Variants in UBE2H observed in about 807,000 individuals in gnomAD.
The protein encoded by UBE2H is ubiquitin-conjugating enzyme E2 H.
Under a neutral mutation model 29.0 loss-of-function variants are expected in UBE2H, and 3 were observed. The ratio of observed to expected loss-of-function variants is 0.10; its 90% CI spans 0.05 to 0.27. UBE2H has a LOEUF of 0.27. Among genes scored for constraint, UBE2H ranks in the 10% least tolerant of loss-of-function variants. The pLI is 1.00. For missense variants in UBE2H, 68 were observed against 228.2 expected, an observed-to-expected ratio of 0.30 and a Z score of 4.52; for synonymous variants, 69 against 82.9, an observed-to-expected ratio of 0.83 and a Z score of 0.91.
intron 1 of UBE2H, among the ~76,000 whole-genome samples, chr7:129,947,611 G>A (rs1321824103): frequency 6.6e-6 from 1 of 152,128 alleles, no homozygotes; most frequent in Non-Finnish European, 1.5e-5. Context: ...CAGGTGTACA[G>A]ATCCCCATAT....
At chr7:129,859,873 C>T (rs552863216) in intron 3 of UBE2H, among the ~76,000 whole-genome samples, 5 of 152,274 alleles carry the variant, frequency 3.3e-5, no homozygotes, top group African/African-American at 1.2e-4. Context: ...CCATCACCCC[C>T]ATCCCCACAG....
chr7:129,853,169 C>T lies in UBE2H; in HGVS notation c.298+4342G>A, dbSNP rs550814362. Among the ~76,000 whole-genome samples, 3 of 152,264 alleles carry T rather than the reference C, an allele frequency of 2.0e-5. No homozygotes were observed. The South Asian group carries it at 6.2e-4, about 32-fold the overall frequency. On this transcript the variant is annotated intron_variant, in intron 5 of 6. Transcript: ENST00000355621. The stretch of plus-strand genomic sequence containing the variant: ...TGAGAGAGAGATTAAAGCTGTATCG[C>T]AGTGAAGGCACCTGGGCCCCCAGGA...
At chr7:129,848,193 A>G (rs565812600) in intron 5 of UBE2H, among the ~76,000 whole-genome samples, 20 of 152,346 alleles carry the variant, frequency 1.3e-4, no homozygotes, top group African/African-American at 4.3e-4. Context: ...GCTGCACTCC[A>G]GCCTGGACGA....
rs577840388 is a variant in UBE2H, at chr7:129,848,265, T to C, written c.299-8930A>G. On this transcript the variant is annotated intron_variant, in intron 5 of 6. Transcript: ENST00000355621. ...AAAAAACACATCACTATGTACCCCA[T>C]GAATATGTACAATGATTATTTGCCA... Among the ~76,000 whole-genome samples, 5 of 152,262 alleles carry C rather than the reference T, an allele frequency of 3.3e-5. No individual in the cohort carries two copies. In the East Asian group the frequency reaches 9.6e-4, roughly 29 times the overall value.
intron 3 of UBE2H, among the ~76,000 whole-genome samples, chr7:129,873,508 C>T (rs1806085734): frequency 6.7e-6 from 1 of 149,698 alleles, no homozygotes; most frequent in Non-Finnish European, 1.5e-5. Flanking sequence ...TATCTCAGCA[C>T]ACTGCAACCT....
intron 3 of UBE2H, among the ~76,000 whole-genome samples, chr7:129,877,139 T>A (rs1806162113): frequency 6.6e-6 from 1 of 152,110 alleles, no homozygotes; most frequent in Admixed American, 6.6e-5. Flanking sequence ...AAAATACACA[T>A]CCATACACAA....
intron 1 of UBE2H, among the ~76,000 whole-genome samples, chr7:129,944,715 AACAC>A (rs57825154): frequency 0.021 from 2,962 of 144,028 alleles, 41 homozygotes; most frequent in African/African-American, 0.045. Context: ...ATGCGCTCAA[AACAC>A]ACACACACAC....
intron 1 of UBE2H, among the ~76,000 whole-genome samples, chr7:129,884,863 G>A (rs543285896): frequency 5.3e-5 from 8 of 152,044 alleles, no homozygotes; most frequent in African/African-American, 9.7e-5. Context: ...GATTATAGGC[G>A]TGAGCCACCA....
intron 1 of UBE2H, among the ~76,000 whole-genome samples, chr7:129,940,670 T>C (rs918510218): frequency 2.6e-5 from 4 of 152,212 alleles, no homozygotes; most frequent in Non-Finnish European, 5.9e-5. Flanking sequence ...GGCTGCCATG[T>C]AGGGCTTCCC....
chr7:129,934,953 GTGTGTATATATA>G (rs1334800819), intron 1 of UBE2H, among the ~76,000 whole-genome samples: 4 of 150,550 alleles, frequency 2.7e-5, no homozygotes, highest in South Asian at 4.2e-4. Flanking sequence ...ATATGTGTGT[GTGTGTATATATA>G]TGTGTATATA....
chr7:129,886,584 C>G (rs571593682), intron 1 of UBE2H, among the ~76,000 whole-genome samples: 2 of 152,058 alleles, frequency 1.3e-5, no homozygotes, highest in East Asian at 3.9e-4. Context: ...AGTGCCCTCC[C>G]TGAGCTGTGT....
chr7:129,884,427 A>G (rs1029229325), intron 1 of UBE2H, among the ~76,000 whole-genome samples: 2 of 151,946 alleles, frequency 1.3e-5, no homozygotes, highest in African/African-American at 4.8e-5. Context: ...AAAAAAAAAA[A>G]AAAAAAATTT....
intron 1 of UBE2H, among the ~76,000 whole-genome samples, chr7:129,908,266 T>C (rs911554971): frequency 1.3e-5 from 2 of 152,232 alleles, no homozygotes; most frequent in African/African-American, 2.4e-5. Context: ...AATTAAAGCA[T>C]GCCCATGAAT....
chr7:129,925,052 TAA>T (rs1807238065), intron 1 of UBE2H, among the ~76,000 whole-genome samples: 1 of 151,872 alleles, frequency 6.6e-6, no homozygotes, highest in Non-Finnish European at 1.5e-5. Context: ...CCGAAAGACA[TAA>T]GATATTCACA....
intron 3 of UBE2H, among the ~76,000 whole-genome samples, chr7:129,876,722 A>T (rs1428839621): frequency 6.6e-6 from 1 of 152,226 alleles, no homozygotes; most frequent in Non-Finnish European, 1.5e-5. Flanking sequence ...TTCCAAAAAA[A>T]AGAGCTCAAA....
chr7:129,868,353 G>C (rs1413450028), intron 3 of UBE2H, among the ~76,000 whole-genome samples: 1 of 151,994 alleles, frequency 6.6e-6, no homozygotes, highest in Non-Finnish European at 1.5e-5. Flanking sequence ...GGCCGAGGCG[G>C]GTGGATCATG....
chr7:129,911,635 GT>G (rs1032601249), intron 1 of UBE2H, among the ~76,000 whole-genome samples: 5 of 151,548 alleles, frequency 3.3e-5, no homozygotes, highest in Non-Finnish European at 7.4e-5. Flanking sequence ...GCACATATAT[GT>G]TTTTTTTAAT....
intron 1 of UBE2H, among the ~76,000 whole-genome samples, chr7:129,906,298 C>T (rs377533529): frequency 1.3e-5 from 2 of 151,820 alleles, no homozygotes; most frequent in Admixed American, 6.6e-5. Context: ...CTCCACCTCC[C>T]GGTTCAAGCG....
intron 1 of UBE2H, among the ~76,000 whole-genome samples, chr7:129,910,417 G>A (rs1167258177): frequency 1.3e-5 from 2 of 152,132 alleles, no homozygotes; most frequent in Admixed American, 6.5e-5. Context: ...AAGGCTAGGG[G>A]AGGGGAGAGG....
Sources: gnomAD v4.1 joint callset for allele counts (sites outside exome capture counted in the v4.1 genomes callset) on GRCh38, gnomAD v4.1.1 for gene constraint, MANE v1.5 for transcripts, NCBI Gene and HGNC (gene_info 2026-07-23, HGNC 2026-07-21) for gene names.